OPHN1: variants seen among roughly 807,000 people sequenced by gnomAD.
OPHN1 encodes the protein oligophrenin 1.
OPHN1 carries 11 observed loss-of-function variants against 60.7 expected under a neutral mutation model. The ratio of observed to expected loss-of-function variants is 0.18; its 90% confidence interval spans 0.11 to 0.30. The LOEUF is 0.30. OPHN1 is among the 10% of genes least tolerant of loss of function. The pLI, the probability that OPHN1 is intolerant of heterozygous loss-of-function variation, is 1.00. For missense variants in OPHN1, 449 were observed against 611.0 expected (o/e 0.73, Z 2.80); for synonymous variants, 226 against 222.6 (o/e 1.02, Z -0.14).
intron 15 of OPHN1, among the ~76,000 whole-genome samples, chrX:68,131,795 C>A (rs1341865292): frequency 8.9e-6 from 1 of 111,821 alleles, no homozygotes; most frequent in Non-Finnish European, 1.9e-5. Flanking sequence ...CTCAGTTGCA[C>A]ATGAAATACT....
intron 2 of OPHN1, among the ~76,000 whole-genome samples, chrX:68,316,667 C>T (rs1602319045): frequency 9.0e-6 from 1 of 111,313 alleles, no homozygotes; most frequent in African/African-American, 3.3e-5. Context: ...AGATCAAGTC[C>T]TTATGACACC....
chrX:68,263,209 C>T (rs191165478), intron 5 of OPHN1, among the ~76,000 whole-genome samples: 1 of 111,477 alleles, frequency 9.0e-6, no homozygotes, highest in African/African-American at 3.3e-5. Context: ...TCCTTCATTG[C>T]TTTCATCCTT....
chrX:68,252,000 T>C (rs1602271188), intron 5 of OPHN1, among the ~76,000 whole-genome samples: 1 of 112,194 alleles, frequency 8.9e-6, no homozygotes, highest in Non-Finnish European at 1.9e-5. Context: ...TTTGGCCAAC[T>C]GAATTTGTAA....
At chrX:68,187,789 G>A (rs947738838) in intron 15 of OPHN1, among the ~76,000 whole-genome samples, 32 of 110,369 alleles carry the variant, frequency 2.9e-4, no homozygotes, top group South Asian at 7.8e-4. Context: ...CACCACACCC[G>A]GCTAATTTTT....
intron 5 of OPHN1, among the ~76,000 whole-genome samples, chrX:68,238,610 C>A (rs1007424530): frequency 9.0e-6 from 1 of 111,456 alleles, no homozygotes; most frequent in East Asian, 2.8e-4. Context: ...CAATAGAGAT[C>A]TTGTGTATTT....
At chrX:68,379,895 G>T (rs1440841064) in intron 2 of OPHN1, among the ~76,000 whole-genome samples, 1 of 108,739 alleles carries the variant, frequency 9.2e-6, no homozygotes, top group African/African-American at 3.5e-5. Flanking sequence ...TCTCTTTTTT[G>T]GTTGTGTCTC....
chrX:68,219,670 C>G (rs1466112453), intron 6 of OPHN1, among the ~76,000 whole-genome samples: 4 of 111,121 alleles, frequency 3.6e-5, no homozygotes, highest in African/African-American at 1.3e-4. Flanking sequence ...CAACTTGCTC[C>G]TGAATGACTA....
chrX:68,159,101 G>A (rs1273944828), intron 15 of OPHN1, among the ~76,000 whole-genome samples: 1 of 111,531 alleles, frequency 9.0e-6, no homozygotes, highest in Non-Finnish European at 1.9e-5. Context: ...CACGGGGAGA[G>A]GCAGGCTATT....
intron 8 of OPHN1, among the ~76,000 whole-genome samples, 184 bp from the exon 9 acceptor site, chrX:68,210,466 G>T (rs1365679740): frequency 8.9e-6 from 1 of 112,069 alleles, no homozygotes; most frequent in Non-Finnish European, 1.9e-5. Context: ...CGGTCCTAAA[G>T]ACTGCATAGG....
In OPHN1 at chrX:68,044,413, T is replaced by C. The variant is rs1986393589; in HGVS notation, c.*2759A>G. 8.9e-6 allele frequency: 1 copy of C among 112,968 alleles called. No homozygotes were observed. The highest frequency in any genetic ancestry group is 9.3e-5 in the Admixed American group (1 of 10,711). The allele number at this position is 112,968 out of a possible 1,213,427, so 9.3% of individuals were successfully genotyped here. On this transcript the variant is annotated 3_prime_UTR_variant, in exon 25 of 25. Coordinates refer to ENST00000355520, the MANE Select transcript of OPHN1 (RefSeq NM_002547.3). ...TAAAATGAGAATACTTGCATGAATA[T>C]GAAACACTGAGCAGTTAATAAATAC... is the stretch of plus-strand genomic sequence containing the variant.
At chrX:68,228,735 C>G (rs1482718197) in intron 6 of OPHN1, among the ~76,000 whole-genome samples, 1 of 110,975 alleles carries the variant, frequency 9.0e-6, no homozygotes, top group African/African-American at 3.3e-5. Context: ...AAACTCTAAA[C>G]AAACTAGGTA....
intron 5 of OPHN1, among the ~76,000 whole-genome samples, chrX:68,235,997 C>G (rs1026876861): frequency 9.0e-6 from 1 of 110,961 alleles, no homozygotes; most frequent in Non-Finnish European, 1.9e-5. Context: ...CACTTAAAGT[C>G]TATTATCTCA....
At chrX:68,125,325 A>G (rs1172478248) in intron 15 of OPHN1, among the ~76,000 whole-genome samples, 1 of 111,908 alleles carries the variant, frequency 8.9e-6, no homozygotes, top group African/African-American at 3.2e-5. Context: ...AGTAGAAGAA[A>G]TAATTAAGAT....
intron 5 of OPHN1, among the ~76,000 whole-genome samples, chrX:68,269,257 CAA>C (rs900224167): frequency 9.0e-6 from 1 of 111,136 alleles, no homozygotes; most frequent in African/African-American, 3.3e-5. Flanking sequence ...CATATGGAAC[CAA>C]AAAAGAGCCC....
intron 2 of OPHN1, among the ~76,000 whole-genome samples, chrX:68,309,941 C>T (rs1182534860): frequency 1.8e-5 from 2 of 111,768 alleles, no homozygotes; most frequent in Non-Finnish European, 3.8e-5. Context: ...GCTTCTAGTG[C>T]TGTTAGCCAT....
In OPHN1 at chrX:68,053,704, T is replaced by C. The variant is rs766009632; in HGVS notation, c.2265A>G (p.Gln755=). The part of the protein sequence containing the change: ...PDPPCRAATP[Q]KPEPKPDIVA... Reference sequence around the variant, plus strand: ...CAATATCTGGCTTTGGTTCTGGCTTTTGGGGAGTAGCTGCCCGGCAGGGAG... The same window carrying C: ...CAATATCTGGCTTTGGTTCTGGCTTCTGGGGAGTAGCTGCCCGGCAGGGAG... The change falls in exon 22 of 25, where the codon CAA becomes CAG. Residue 755 remains glutamine, a synonymous_variant. Transcript: ENST00000355520. 17 of 1,209,497 alleles carry C rather than the reference T, an allele frequency of 1.4e-5. No individual in the cohort carries two copies. The highest frequency in any genetic ancestry group is 1.9e-5 in the Non-Finnish European group (17 of 895,117).
intron 19 of OPHN1, among the ~76,000 whole-genome samples, chrX:68,074,033 TGTACTTA>T (rs763340415): frequency 8.9e-6 from 1 of 112,570 alleles, no homozygotes; most frequent in Non-Finnish European, 1.9e-5. Flanking sequence ...ATGTCTCATG[TGTACTTA>T]AGGATTTTCC....
At chrX:68,404,648 T>C (rs1052378501) in intron 2 of OPHN1, among the ~76,000 whole-genome samples, 3 of 111,449 alleles carry the variant, frequency 2.7e-5, no homozygotes, top group Non-Finnish European at 5.6e-5. Flanking sequence ...AAATGCGGTA[T>C]ATATACATAC....
intron 19 of OPHN1, among the ~76,000 whole-genome samples, chrX:68,084,387 C>G: frequency 1.5e-5 from 1 of 65,062 alleles, no homozygotes; most frequent in Non-Finnish European, 2.7e-5. Flanking sequence ...ACGGAGGGAA[C>G]GGAGGGAGAG....
Sources: gnomAD v4.1 joint callset for allele counts (sites outside exome capture counted in the v4.1 genomes callset) on GRCh38, gnomAD v4.1.1 for gene constraint, MANE v1.5 for transcripts, NCBI Gene and HGNC (gene_info 2026-07-23, HGNC 2026-07-21) for gene names.